CWC27: variants seen among roughly 807,000 people sequenced by gnomAD.
CWC27 encodes the protein CWC27 spliceosome associated cyclophilin.
Under a neutral mutation model 63.6 loss-of-function variants are expected in CWC27, and 47 were observed. The observed-to-expected ratio is 0.74, with a 90% CI of 0.58 to 0.94. The LOEUF is 0.94. CWC27 is among the 40% of genes least tolerant of loss of function. The pLI is 0.00. For synonymous variants in CWC27, 175 were observed against 179.8 expected (o/e 0.97, Z 0.22); for missense variants, 495 against 554.3 (o/e 0.89, Z 1.07).
chr5:64,788,904 T>G (rs753570576), intron 6 of CWC27, 47 bp from the exon 7 acceptor site: 1 of 1,328,558 alleles, frequency 7.5e-7, no homozygotes, highest in Non-Finnish European at 1.1e-6. Context: ...ATAAGTTTGA[T>G]TTGACTTTCT....
intron 1 of CWC27, chr5:64,773,871 C>T (rs1487925173): frequency 6.6e-6 from 1 of 152,098 alleles, no homozygotes; most frequent in African/African-American, 2.4e-5. Context: ...GAAAGGCTAT[C>T]ACGGGATTCT....
At chr5:64,778,103 A>G (rs182073599) in intron 2 of CWC27, among the ~76,000 whole-genome samples, 16 of 152,352 alleles carry the variant, frequency 1.1e-4, no homozygotes, top group Admixed American at 1.0e-3. Flanking sequence ...ATTTGAAAAC[A>G]CAAGTAATAA....
At chr5:64,824,287 C>A (rs1246257032) in intron 10 of CWC27, among the ~76,000 whole-genome samples, 1 of 151,966 alleles carries the variant, frequency 6.6e-6, no homozygotes, top group African/African-American at 2.4e-5. Context: ...ATAAAGTCTT[C>A]CTCTTTTAAT....
chr5:64,896,852 C>A (rs1747388834), intron 11 of CWC27, among the ~76,000 whole-genome samples: 2 of 152,146 alleles, frequency 1.3e-5, no homozygotes, highest in African/African-American at 4.8e-5. Context: ...GCCTAAAAAA[C>A]TACGTTTGTC....
At chr5:64,923,058 T>A (rs775794031) in intron 11 of CWC27, among the ~76,000 whole-genome samples, 1 of 152,106 alleles carries the variant, frequency 6.6e-6, no homozygotes, top group Non-Finnish European at 1.5e-5. Context: ...TGTGCATAAG[T>A]GCTCTGATGG....
At chr5:64,804,901 A>T (rs1744609446) in intron 10 of CWC27, 1 of 147,568 alleles carries the variant, frequency 6.8e-6, no homozygotes, top group Non-Finnish European at 1.5e-5. Context: ...GCAAATGGTG[A>T]AAAGTTTACT....
At chr5:64,929,783 A>G (rs959106846) in intron 11 of CWC27, among the ~76,000 whole-genome samples, 5 of 152,152 alleles carry the variant, frequency 3.3e-5, no homozygotes, top group African/African-American at 1.2e-4. Context: ...GTAAAATGGT[A>G]CAACTGCTTT....
chr5:64,845,349 A>C (rs1561432650), intron 10 of CWC27, among the ~76,000 whole-genome samples: 1 of 152,228 alleles, frequency 6.6e-6, no homozygotes, highest in Non-Finnish European at 1.5e-5. Context: ...AAGAAATCCC[A>C]AAAGAAACTA....
intron 7 of CWC27, among the ~76,000 whole-genome samples, chr5:64,789,341 T>C (rs192421033): frequency 4.9e-4 from 74 of 152,222 alleles, no homozygotes; most frequent in Non-Finnish European, 5.9e-4. Flanking sequence ...TTATTATCAT[T>C]ACTGATATAA....
chr5:64,851,039 A>G (rs1746119221), intron 10 of CWC27, among the ~76,000 whole-genome samples: 1 of 152,214 alleles, frequency 6.6e-6, no homozygotes, highest in African/African-American at 2.4e-5. Flanking sequence ...CAGAAATACC[A>G]CTTTTAGATA....
intron 11 of CWC27, among the ~76,000 whole-genome samples, chr5:64,920,534 A>G (rs960996489): frequency 3.3e-5 from 5 of 152,118 alleles, no homozygotes; most frequent in Admixed American, 3.3e-4. Flanking sequence ...TGGAAAAGGT[A>G]CTAGCTCTTC....
At chr5:64,795,137 T>G (rs1196843160) in intron 7 of CWC27, among the ~76,000 whole-genome samples, 1 of 152,170 alleles carries the variant, frequency 6.6e-6, no homozygotes, top group African/African-American at 2.4e-5. Flanking sequence ...CTAGTTTATT[T>G]TATGAAATTA....
At chr5:64,769,812 G>T (rs1397125442) in intron 1 of CWC27, among the ~76,000 whole-genome samples, 1 of 152,192 alleles carries the variant, frequency 6.6e-6, no homozygotes, top group Admixed American at 6.5e-5. Flanking sequence ...TGAGATGACT[G>T]TCAGTCAGAG....
intron 12 of CWC27, among the ~76,000 whole-genome samples, chr5:64,973,807 G>A (rs1749171027): frequency 6.6e-6 from 1 of 152,124 alleles, no homozygotes; most frequent in Non-Finnish European, 1.5e-5. Flanking sequence ...TTGTAACTCA[G>A]GGAGAAAGAT....
chr5:64,811,858 A>T (rs1744887293), intron 10 of CWC27, among the ~76,000 whole-genome samples: 1 of 152,072 alleles, frequency 6.6e-6, no homozygotes, highest in Non-Finnish European at 1.5e-5. Flanking sequence ...AGCATGGGAT[A>T]ATAGAGTCAT....
At chr5:64,972,466 T>C (rs1303208045) in intron 12 of CWC27, among the ~76,000 whole-genome samples, 1 of 152,052 alleles carries the variant, frequency 6.6e-6, no homozygotes, top group Non-Finnish European at 1.5e-5. Flanking sequence ...AAATCATTTA[T>C]TTTTGGTGCT....
intron 10 of CWC27, among the ~76,000 whole-genome samples, chr5:64,828,364 A>T (rs1745424498): frequency 6.6e-6 from 1 of 152,124 alleles, no homozygotes; most frequent in African/African-American, 2.4e-5. Flanking sequence ...ACTGTCTCCC[A>T]GTGTCTTAGT....
At chr5:64,921,003 G>A (rs1259874621) in intron 11 of CWC27, among the ~76,000 whole-genome samples, 1 of 151,876 alleles carries the variant, frequency 6.6e-6, no homozygotes, top group Non-Finnish European at 1.5e-5. Flanking sequence ...TTTGGGGTTG[G>A]TTTGCTCTTG....
intron 13 of CWC27, among the ~76,000 whole-genome samples, chr5:65,011,813 G>T (rs1749966538): frequency 6.6e-6 from 1 of 152,198 alleles, no homozygotes; most frequent in South Asian, 2.1e-4. Context: ...TGGGCCCTTG[G>T]TTCTGCTCCT....
Sources: gnomAD v4.1 joint callset for allele counts (sites outside exome capture counted in the v4.1 genomes callset) on GRCh38, gnomAD v4.1.1 for gene constraint, MANE v1.5 for transcripts, NCBI Gene and HGNC (gene_info 2026-07-23, HGNC 2026-07-21) for gene names.